DLG2: variants seen among roughly 807,000 people sequenced by gnomAD.
The protein encoded by DLG2 is disks large homolog 2.
Under a neutral mutation model 132.5 loss-of-function variants are expected in DLG2, and 45 were observed. The ratio of observed to expected loss-of-function variants is 0.34; its 90% CI spans 0.27 to 0.44. The LOEUF (loss-of-function observed/expected upper bound fraction) is 0.44, where lower values mean the gene tolerates loss of function less well. Among genes scored for constraint, DLG2 ranks in the 20% least tolerant of loss-of-function variants. The pLI is 1.00. For synonymous variants in DLG2, 424 were observed against 419.6 expected, an observed-to-expected ratio of 1.01 and a Z score of -0.13; for missense variants, 1,045 against 1,196.9, an observed-to-expected ratio of 0.87 and a Z score of 1.87.
At chr11:84,220,155 T>C (rs941485006) in intron 8 of DLG2, among the ~76,000 whole-genome samples, 1 of 152,234 alleles carries the variant, frequency 6.6e-6, no homozygotes, top group African/African-American at 2.4e-5. Flanking sequence ...CGTATATTCA[T>C]TCCACAAATA....
At chr11:85,565,902 T>C (rs2077503186) in intron 3 of DLG2, among the ~76,000 whole-genome samples, 1 of 152,212 alleles carries the variant, frequency 6.6e-6, no homozygotes, top group Non-Finnish European at 1.5e-5. Flanking sequence ...GTGGTAACTC[T>C]ATATTTAATT....
At chr11:83,721,551 T>TA (rs1271733537) in intron 18 of DLG2, among the ~76,000 whole-genome samples, 4 of 152,202 alleles carry the variant, frequency 2.6e-5, no homozygotes, top group African/African-American at 9.7e-5. Context: ...ACACAGACAG[T>TA]AAAGCATACT....
chr11:83,802,545 A>G (rs1290446292), intron 17 of DLG2, among the ~76,000 whole-genome samples: 1 of 152,128 alleles, frequency 6.6e-6, no homozygotes, highest in Non-Finnish European at 1.5e-5. Context: ...TCTTTATTTA[A>G]ACTTAGTTTT....
intron 7 of DLG2, among the ~76,000 whole-genome samples, chr11:84,422,947 C>T (rs924782018): frequency 6.6e-6 from 1 of 152,094 alleles, no homozygotes; most frequent in African/African-American, 2.4e-5. Context: ...ACTTCTCCTG[C>T]TTTCTTGTTA....
In DLG2 at chr11:84,045,090, A is replaced by G. The variant is rs558566688; in HGVS notation, c.919+14225T>C. ...AAAATAACCTGTTCTCATAATCTGG[A>G]AAACAGTTCTTTAGTAGTATGCACA... On this transcript the variant is annotated intron_variant, in intron 11 of 27. Transcript: ENST00000376104. 7.2e-4 allele frequency among the ~76,000 whole-genome samples: 109 copies of G among 151,896 alleles called. 5 individuals are homozygous for G. The South Asian group carries it at 0.022, about 30-fold the overall frequency.
chr11:84,068,054 T>C (rs1326118903), intron 10 of DLG2, among the ~76,000 whole-genome samples: 1 of 152,160 alleles, frequency 6.6e-6, no homozygotes, highest in African/African-American at 2.4e-5. Flanking sequence ...AGAGGTTCTA[T>C]GTGACCAGAA....
intron 3 of DLG2, among the ~76,000 whole-genome samples, chr11:85,462,058 C>A (rs1419920675): frequency 1.3e-5 from 2 of 152,204 alleles, no homozygotes; most frequent in African/African-American, 2.4e-5. Flanking sequence ...ACATGCTCAT[C>A]ATCACTGGCC....
intron 5 of DLG2, among the ~76,000 whole-genome samples, chr11:85,115,666 G>A (rs1321927699): frequency 1.3e-5 from 2 of 151,956 alleles, no homozygotes; most frequent in African/African-American, 4.8e-5. Context: ...TCTTTTTGAA[G>A]AGACACTTCA....
chr11:84,496,089 G>A (rs1178694023), intron 7 of DLG2, among the ~76,000 whole-genome samples: 2 of 152,150 alleles, frequency 1.3e-5, no homozygotes, highest in Non-Finnish European at 2.9e-5. Flanking sequence ...GCAGCTGTGT[G>A]TAGGTGGAGA....
At chr11:85,263,464 T>C (rs2077048145) in intron 4 of DLG2, among the ~76,000 whole-genome samples, 1 of 152,206 alleles carries the variant, frequency 6.6e-6, no homozygotes, top group Non-Finnish European at 1.5e-5. Flanking sequence ...TTGAGGACTT[T>C]TGACCAGAAA....
At chr11:85,375,073 C>T in intron 3 of DLG2, among the ~76,000 whole-genome samples, 2 of 151,136 alleles carry the variant, frequency 1.3e-5, no homozygotes, top group East Asian at 1.9e-4. Context: ...TTTTTTTTCC[C>T]TTTGTTCCTT....
rs374521993 is a variant in DLG2, at chr11:84,915,215, G to C, written c.357+196446C>G. ...TCTACACCCCTTCAAAGTCAATAAA[G>C]AAGGTTAATGAAGGAATCTTTTAAG... is the stretch of plus-strand genomic sequence containing the variant. On this transcript the variant is annotated intron_variant, in intron 6 of 27. Transcript: ENST00000376104. Among the ~76,000 whole-genome samples the C allele has an allele frequency of 6.6e-5, 10 of 152,244 alleles. No homozygotes were observed. In the East Asian group the frequency reaches 1.7e-3, roughly 26 times the overall value.
intron 8 of DLG2, among the ~76,000 whole-genome samples, chr11:84,217,544 T>C (rs892700946): frequency 6.6e-6 from 1 of 152,182 alleles, no homozygotes; most frequent in African/African-American, 2.4e-5. Flanking sequence ...CACATATGTT[T>C]GTATCAGCAT....
At chr11:84,882,863 T>A (rs1266417196) in intron 6 of DLG2, among the ~76,000 whole-genome samples, 1 of 152,098 alleles carries the variant, frequency 6.6e-6, no homozygotes, top group South Asian at 2.1e-4. Flanking sequence ...TGATGAAAGT[T>A]TTAGAGAGGA....
intron 4 of DLG2, among the ~76,000 whole-genome samples, chr11:85,271,602 A>G (rs1358899642): frequency 6.6e-6 from 1 of 152,240 alleles, no homozygotes; most frequent in Non-Finnish European, 1.5e-5. Context: ...TTGCATAGCC[A>G]GAGGGGCTGA....
At chr11:83,659,303 G>C (rs2073619442) in intron 18 of DLG2, among the ~76,000 whole-genome samples, 1 of 152,164 alleles carries the variant, frequency 6.6e-6, no homozygotes, top group Non-Finnish European at 1.5e-5. Context: ...ATAAAACAGA[G>C]AGAGAGAGAG....
At chr11:84,153,606 G>C (rs891042893) in intron 9 of DLG2, among the ~76,000 whole-genome samples, 3 of 152,088 alleles carry the variant, frequency 2.0e-5, no homozygotes, top group Admixed American at 6.6e-5. Context: ...TTCAGCTTGA[G>C]ATTCTTTCCT....
chr11:84,350,339 A>G (rs766773967), intron 7 of DLG2, among the ~76,000 whole-genome samples: 5 of 152,198 alleles, frequency 3.3e-5, no homozygotes, highest in Admixed American at 6.5e-5. Context: ...TTTTCCAGAA[A>G]TAGGCTCCAC....
intron 9 of DLG2, among the ~76,000 whole-genome samples, chr11:84,160,997 A>AT (rs1048137372): frequency 1.3e-5 from 2 of 152,170 alleles, no homozygotes; most frequent in African/African-American, 4.8e-5. Context: ...TGAGAAAGTG[A>AT]TTTTTTCTAA....
Sources: allele counts gnomAD v4.1 joint callset (sites outside exome capture counted in the v4.1 genomes callset), GRCh38; gene constraint gnomAD v4.1.1; transcripts MANE v1.5; gene names NCBI Gene and HGNC (gene_info 2026-07-23, HGNC 2026-07-21).